MYO18A: variants seen among roughly 807,000 people sequenced by gnomAD.
MYO18A encodes myosin XVIIIA.
A neutral mutation model predicts 235.8 loss-of-function variants in MYO18A; 78 were observed. The observed-to-expected ratio is 0.33, with a 90% CI of 0.28 to 0.40. The LOEUF (loss-of-function observed/expected upper bound fraction) is 0.40, where lower values mean the gene tolerates loss of function less well. Ranked by LOEUF, MYO18A falls within the 10% of genes least tolerant of loss-of-function variation. MYO18A has a pLI of 1.00. For missense variants in MYO18A, 2,215 were observed against 2,699.3 expected, an observed-to-expected ratio of 0.82 and a Z score of 3.98; for synonymous variants, 977 against 1,077.8, an observed-to-expected ratio of 0.91 and a Z score of 1.83.
rs373629776 is a variant in MYO18A, at chr17:29,093,458, G to A, written c.4822-31C>T. ...GTACCATGGGGACAGAGACCCGTCC[G>A]TCCCTTTAGTGCCTGGTGCGAAGCA... On this transcript the variant is annotated intron_variant, in intron 31 of 41. Coordinates refer to ENST00000527372, the MANE Select transcript of MYO18A (RefSeq NM_078471.4). 19 of 1,549,450 alleles carry A rather than the reference G, an allele frequency of 1.2e-5. No homozygotes were observed. The African/African-American group carries it at 1.5e-4, about 12-fold the overall frequency.
chr17:29,121,349 G>A lies in MYO18A; in HGVS notation c.1372-138C>T. ...GGATTCCAAGGCCAAGGCCATGCAT[G>A]GAAATGAAGACACTAAGTCCTGGAC... On this transcript the variant is annotated intron_variant, in intron 5 of 41. Transcript: ENST00000527372. The surrounding 1 kb of genome is among the most constrained non-coding windows in gnomAD (Gnocchi z 4.2). 2 of 1,131,770 alleles carry A rather than the reference G, an allele frequency of 1.8e-6. No homozygotes were observed. Among genetic ancestry groups the A allele is most frequent in the South Asian group, 1.5e-5 (1 of 65,862 alleles). The allele number at this position is 1,131,770 out of a possible 1,614,324, so 70.1% of individuals were successfully genotyped here.
chr17:29,115,304 C>T (rs375310505), intron 13 of MYO18A, 47 bp downstream of exon 13: 4 of 1,600,510 alleles, frequency 2.5e-6, no homozygotes, highest in East Asian at 4.5e-5. Flanking sequence ...GCATCTACTC[C>T]ACCTCTGCCA....
intron 15 of MYO18A, among the ~76,000 whole-genome samples, chr17:29,112,682 T>C (rs748150963): frequency 3.3e-5 from 5 of 152,260 alleles, no homozygotes; most frequent in African/African-American, 4.8e-5. Flanking sequence ...GCATCTTTCT[T>C]GGGCAGGAAG....
At chr17:29,127,845 C>T (rs945684177) in intron 2 of MYO18A, 4 of 988,220 alleles carry the variant, frequency 4.0e-6, no homozygotes, top group Non-Finnish European at 4.8e-6. Context: ...GTGACACACT[C>T]TTGTACCTCC....
intron 1 of MYO18A, among the ~76,000 whole-genome samples, chr17:29,167,280 TA>T (rs2152978228): frequency 6.6e-6 from 1 of 152,180 alleles, no homozygotes; most frequent in South Asian, 2.1e-4. Context: ...AAAAAGGCGG[TA>T]AAAGCCCAGA....
At chr17:29,085,694 G>T in intron 39 of MYO18A, 46 bp from the exon 40 acceptor site, 1 of 1,605,892 alleles carries the variant, frequency 6.2e-7, no homozygotes, top group Middle Eastern at 1.7e-4. Context: ...AGAGGAAACA[G>T]ATGAAATCAA....
chr17:29,178,624 A>T (rs2068585116), intron 1 of MYO18A, among the ~76,000 whole-genome samples: 2 of 152,140 alleles, frequency 1.3e-5, no homozygotes, highest in African/African-American at 2.4e-5. Flanking sequence ...ACAGAGAGGA[A>T]GCTGAGGAGG....
intron 19 of MYO18A, among the ~76,000 whole-genome samples, chr17:29,107,915 CAAAAA>C (rs34077783): frequency 6.5e-5 from 5 of 76,444 alleles, no homozygotes; most frequent in Admixed American, 1.6e-4. Flanking sequence ...GACTGTGTCT[CAAAAA>C]AAAAAAAAAA....
rs1452837192 is a variant in MYO18A at position 29,121,748 on chromosome 17, G to T, written c.1195-25C>A. 6.3e-7 allele frequency: 1 copy of T among 1,579,394 alleles called. No homozygotes were observed. Among genetic ancestry groups the T allele is most frequent in the Non-Finnish European group, 8.6e-7 (1 of 1,160,866 alleles). ...CCTGTGTGGGAGGACAGGCGGGTGGGTATTAGAGCAGCAGAGCCCATCTCC... is the reference window on the plus strand; with the variant it reads ...CCTGTGTGGGAGGACAGGCGGGTGGTTATTAGAGCAGCAGAGCCCATCTCC... On this transcript the variant is annotated intron_variant, in intron 4 of 41. Transcript: ENST00000527372. This position sits in a 1 kb window ranked among gnomAD's most constrained non-coding sequence, Gnocchi z 4.2.
intron 37 of MYO18A, among the ~76,000 whole-genome samples, chr17:29,087,642 G>A (rs2066287353): frequency 6.6e-6 from 1 of 152,172 alleles, no homozygotes; most frequent in Non-Finnish European, 1.5e-5. Context: ...CCAGGCAGTG[G>A]GATGCTGAGC....
chr17:29,151,290 A>G (rs1471335237), intron 2 of MYO18A, among the ~76,000 whole-genome samples: 2 of 152,190 alleles, frequency 1.3e-5, no homozygotes, highest in Non-Finnish European at 2.9e-5. Context: ...AATTAAAATC[A>G]AATAAAATTT....
intron 2 of MYO18A, among the ~76,000 whole-genome samples, chr17:29,123,552 T>C (rs1274443459): frequency 6.6e-6 from 1 of 152,210 alleles, no homozygotes; most frequent in Non-Finnish European, 1.5e-5. Context: ...CTTCTGGCTT[T>C]AGACAGATCC....
chr17:29,121,296 T>C lies in MYO18A; in HGVS notation c.1372-85A>G. On this transcript the variant is annotated intron_variant, in intron 5 of 41. Transcript: ENST00000527372. The surrounding 1 kb of genome is among the most constrained non-coding windows in gnomAD (Gnocchi z 4.2). ...CCCTCACCCCCAAGGTCCACATCTT[T>C]CTGGATTTTCCCTCCTGTAGTGCCC... is the stretch of plus-strand genomic sequence containing the variant. 1 of 1,444,068 alleles carries C rather than the reference T, an allele frequency of 6.9e-7. No individual in the cohort carries two copies. The highest frequency in any genetic ancestry group is 9.4e-7 in the Non-Finnish European group (1 of 1,061,700). 89.5% of individuals were successfully genotyped at this position (1,444,068 alleles called of 1,614,324 possible). A position where few individuals can be genotyped will look rare whatever the true frequency, so the allele number is the denominator to read the frequency against.
intron 2 of MYO18A, among the ~76,000 whole-genome samples, chr17:29,122,995 G>T (rs1208396212): frequency 6.6e-6 from 1 of 152,250 alleles, no homozygotes; most frequent in Non-Finnish European, 1.5e-5. Flanking sequence ...AGATATGGGG[G>T]TAGGGGCAGC....
rs1429272591 is a variant in MYO18A at position 29,156,264 on chromosome 17, G to A, written c.999+9678C>T. Among the ~76,000 whole-genome samples the A allele has an allele frequency of 2.0e-5, 3 of 152,222 alleles. No individual in the cohort carries two copies. In the East Asian group the frequency reaches 5.8e-4, roughly 29 times the overall value. ...CAGAGACCTACAGCCAGTGAGACAG[G>A]CGCATTCCTCCAAGGTCTGAGACAG... On this transcript the variant is annotated intron_variant, in intron 2 of 41. Coordinates refer to ENST00000527372, the MANE Select transcript of MYO18A (RefSeq NM_078471.4).
intron 40 of MYO18A, among the ~76,000 whole-genome samples, chr17:29,084,076 C>T (rs2066189212): frequency 6.6e-6 from 1 of 152,154 alleles, no homozygotes; most frequent in Non-Finnish European, 1.5e-5. Context: ...TAACTTGGAG[C>T]TGGGGCCCAG....
At chr17:29,093,077 C>A in intron 32 of MYO18A, 76 bp from the exon 33 acceptor site, 1 of 1,520,734 alleles carries the variant, frequency 6.6e-7, no homozygotes, top group Non-Finnish European at 8.8e-7. Flanking sequence ...TCCCTCCTCA[C>A]CACGTCCTCA....
rs951532670 is a variant in MYO18A at position 29,109,625 on chromosome 17, CAA to C, written c.3331+231_3331+232del. On this transcript the variant is annotated intron_variant, in intron 19 of 41. Coordinates refer to ENST00000527372, the MANE Select transcript of MYO18A (RefSeq NM_078471.4). The surrounding 1 kb of genome is among the most constrained non-coding windows in gnomAD (Gnocchi z 4.1). ...GGGTGGAGCTAGGAAGGGAGGGGGA[CAA>C]AGAGAACTGAATATGGAAGGGAGAG... Among the ~76,000 whole-genome samples, 1 of 151,924 alleles carries C rather than the reference CAA, an allele frequency of 6.6e-6. No individual in the cohort carries two copies. Among genetic ancestry groups the C allele is most frequent in the African/African-American group, 2.4e-5 (1 of 41,342 alleles).
At position 29,111,668 on chromosome 17, in the gene MYO18A, C is replaced by T; in HGVS notation, c.2740+54G>A. 6.2e-7 allele frequency: 1 copy of T among 1,611,874 alleles called. No individual in the cohort carries two copies. The highest frequency in any genetic ancestry group is 8.5e-7 in the Non-Finnish European group (1 of 1,178,680). On this transcript the variant is annotated intron_variant, in intron 16 of 41. Transcript: ENST00000527372. This position sits in a 1 kb window ranked among gnomAD's most constrained non-coding sequence, Gnocchi z 5.1. ...CCCCTCCCAGGGAGTGCCACCTGGA[C>T]CCACCTGTATGTAAGAGGAAGCAGA...
Sources: allele counts gnomAD v4.1 joint callset (sites outside exome capture counted in the v4.1 genomes callset), GRCh38; gene constraint gnomAD v4.1.1; non-coding constraint Gnocchi (gnomAD v3.1); transcripts MANE v1.5; gene names NCBI Gene and HGNC (gene_info 2026-07-23, HGNC 2026-07-21).